The following CYB5A variants were observed in gnomAD, a reference collection of about 807,000 sequenced individuals.
CYB5A encodes cytochrome b5.
CYB5A carries 10 observed loss-of-function variants against 16.2 expected under a neutral mutation model. The observed-to-expected ratio is 0.62, with a 90% CI of 0.38 to 1.04. CYB5A has a LOEUF of 1.04. Ranked by LOEUF, CYB5A falls within the 50% of genes least tolerant of loss-of-function variation. The pLI is 0.01. For synonymous variants in CYB5A, 62 were observed against 57.0 expected, an observed-to-expected ratio of 1.09 and a Z score of -0.40; for missense variants, 161 against 165.9, an observed-to-expected ratio of 0.97 and a Z score of 0.16.
chr18:74,282,362 C>T (rs1171479785), intron 1 of CYB5A, among the ~76,000 whole-genome samples: 1 of 152,036 alleles, frequency 6.6e-6, no homozygotes, highest in Non-Finnish European at 1.5e-5. Context: ...CGGACAAGGG[C>T]CACAGAGTAA....
At chr18:74,259,199 A>T (rs886129733) in intron 3 of CYB5A, 1 of 152,258 alleles carries the variant, frequency 6.6e-6, no homozygotes, top group South Asian at 2.1e-4. Context: ...CTCAAACTTC[A>T]GTGAGACCTT....
intron 2 of CYB5A, 29 bp downstream of exon 2, chr18:74,263,320 A>G (rs1374510314): frequency 1.2e-6 from 2 of 1,613,766 alleles, no homozygotes; most frequent in Non-Finnish European, 1.7e-6. Flanking sequence ...TTAAATACAA[A>G]TAAGAAAGGG....
intron 3 of CYB5A, chr18:74,256,954 T>G (rs371803785): frequency 1.5e-4 from 145 of 988,400 alleles, no homozygotes; most frequent in East Asian, 1.1e-3. Flanking sequence ...TAAAAAGTAT[T>G]CATAACTACA....
intron 1 of CYB5A, among the ~76,000 whole-genome samples, chr18:74,269,430 G>C (rs1441356326): frequency 6.0e-5 from 7 of 116,298 alleles, no homozygotes; most frequent in Admixed American, 3.0e-4. Context: ...CTCTCCTGAT[G>C]ATCTTATCAA....
At chr18:74,261,179 A>G (rs959876062) in intron 2 of CYB5A, 21 of 485,872 alleles carry the variant, frequency 4.3e-5, no homozygotes, top group South Asian at 3.9e-4. Flanking sequence ...AACAGCACCC[A>G]TGACAGCTCT....
chr18:74,263,132 A>G (rs1485964362), intron 2 of CYB5A, among the ~76,000 whole-genome samples: 1 of 143,220 alleles, frequency 7.0e-6, no homozygotes, highest in Non-Finnish European at 1.5e-5. Context: ...TGGGTGACAG[A>G]GTAAGACCTG....
chr18:74,281,501 C>T (rs917419391), intron 1 of CYB5A, among the ~76,000 whole-genome samples: 1 of 152,116 alleles, frequency 6.6e-6, no homozygotes, highest in African/African-American at 2.4e-5. Context: ...GAGAGGATGG[C>T]AACCCAGGAG....
intron 1 of CYB5A, among the ~76,000 whole-genome samples, chr18:74,266,945 T>C (rs936028624): frequency 5.3e-5 from 8 of 152,080 alleles, no homozygotes; most frequent in African/African-American, 1.9e-4. Context: ...ATCCTAAAAA[T>C]TGATATTTTG....
At chr18:74,263,256 T>C (rs1982284743) in intron 2 of CYB5A, 93 bp downstream of exon 2, 3 of 1,556,916 alleles carry the variant, frequency 1.9e-6, no homozygotes, top group Non-Finnish European at 2.7e-6. Flanking sequence ...TTTACTCCTT[T>C]TAAAATGTGT....
intron 1 of CYB5A, among the ~76,000 whole-genome samples, chr18:74,267,071 G>C (rs917048499): frequency 6.6e-6 from 1 of 152,076 alleles, no homozygotes; most frequent in African/African-American, 2.4e-5. Context: ...ACTTGGCCAA[G>C]TAAACTGAAT....
intron 1 of CYB5A, among the ~76,000 whole-genome samples, chr18:74,268,526 C>T (rs956902356): frequency 4.0e-5 from 6 of 151,898 alleles, no homozygotes; most frequent in East Asian, 1.9e-4. Context: ...GGAGGTAACG[C>T]GATCAGATTT....
intron 1 of CYB5A, among the ~76,000 whole-genome samples, chr18:74,276,620 G>A (rs527471371): frequency 5.3e-5 from 8 of 151,564 alleles, no homozygotes; most frequent in East Asian, 2.0e-4. Flanking sequence ...AGTCAAAAGC[G>A]TATGCAAAAC....
chr18:74,253,789 G>A, intron 4 of CYB5A, 124 bp from the exon 5 acceptor site: 1 of 711,414 alleles, frequency 1.4e-6, no homozygotes, highest in Non-Finnish European at 2.6e-6. Context: ...GAATTTTGCT[G>A]AAAAGGCAAC....
intron 1 of CYB5A, among the ~76,000 whole-genome samples, chr18:74,270,986 T>G (rs1982646753): frequency 6.6e-6 from 1 of 152,206 alleles, no homozygotes. Flanking sequence ...ACACATTGGT[T>G]TTGTAACTAT....
intron 1 of CYB5A, among the ~76,000 whole-genome samples, chr18:74,278,091 AC>A (rs1376379441): frequency 6.6e-6 from 1 of 152,090 alleles, no homozygotes; most frequent in Non-Finnish European, 1.5e-5. Context: ...ACTTGTGTGG[AC>A]CCTTCTAAAG....
In CYB5A at chr18:74,255,644, AGGCCCAG is replaced by A. The variant is rs558319594; in HGVS notation, c.323+90_323+96del. The A allele has an allele frequency of 1.1e-3, 1,083 of 988,380 alleles. 4 individuals carry two copies. The highest frequency in any genetic ancestry group is 9.3e-3 in the African/African-American group (583 of 62,718). The allele number at this position is 988,380 out of a possible 1,614,324, so 61.2% of individuals were successfully genotyped here. A position where few individuals can be genotyped will look rare whatever the true frequency, so the allele number is the denominator to read the frequency against. On this transcript the variant is annotated intron_variant, in intron 4 of 4. Transcript: ENST00000340533. ...AAGGTTGCTGAGACAGCACAGTGTC[AGGCCCAG>A]GAACCCAGAAGGTGGGGGACGCACC...
intron 1 of CYB5A, among the ~76,000 whole-genome samples, chr18:74,283,410 T>A (rs1024518984): frequency 6.6e-6 from 1 of 152,030 alleles, no homozygotes; most frequent in African/African-American, 2.4e-5. Context: ...AGCATCTGGG[T>A]CACAAACAAA....
rs1197211842 is a variant in CYB5A, at chr18:74,268,163, G to A, written c.130-4686C>T. On this transcript the variant is annotated intron_variant, in intron 1 of 4. Transcript: ENST00000340533. The stretch of plus-strand genomic sequence containing the variant: ...TCGGGGAGTTCACAGCCGGAGAGAT[G>A]AAACATGAATAACTATGACCATGCC... 2.0e-5 allele frequency among the ~76,000 whole-genome samples: 3 copies of A among 152,254 alleles called. 1 individual carries two copies. The South Asian group carries it at 6.2e-4, about 32-fold the overall frequency.
At position 74,253,188 on chromosome 18, in the gene CYB5A, CAT is replaced by C. The variant is rs1409873149; in HGVS notation, c.*394_*395del. 1 of 273,380 alleles carries C rather than the reference CAT, an allele frequency of 3.7e-6. No homozygotes were observed. Among genetic ancestry groups the C allele is most frequent in the Non-Finnish European group, 7.1e-6 (1 of 140,646 alleles). 16.9% of individuals were successfully genotyped at this position (273,380 alleles called of 1,614,324 possible). A position where few individuals can be genotyped will look rare whatever the true frequency, so the allele number is the denominator to read the frequency against. On this transcript the variant is annotated 3_prime_UTR_variant, in exon 5 of 5. Coordinates refer to ENST00000340533, the MANE Select transcript of CYB5A (RefSeq NM_148923.4). Reference sequence around the variant, plus strand: ...CAAACCTATTTCCCGCACCTCCAGTCATATGGCCTCTGTGGGTCTGGATGAGT... The same window carrying C: ...CAAACCTATTTCCCGCACCTCCAGTCATGGCCTCTGTGGGTCTGGATGAGT...
Sources: gnomAD v4.1 joint callset for allele counts (sites outside exome capture counted in the v4.1 genomes callset) on GRCh38, gnomAD v4.1.1 for gene constraint, MANE v1.5 for transcripts, NCBI Gene and HGNC (gene_info 2026-07-23, HGNC 2026-07-21) for gene names.